PYROXD2: variants seen among roughly 807,000 people sequenced by gnomAD.
PYROXD2 encodes pyridine nucleotide-disulphide oxidoreductase domain 2.
A neutral mutation model predicts 71.1 loss-of-function variants in PYROXD2; 69 were observed. The ratio of observed to expected loss-of-function variants is 0.97; its 90% CI spans 0.80 to 1.19. The LOEUF (loss-of-function observed/expected upper bound fraction) is 1.19, where lower values mean the gene tolerates loss of function less well. PYROXD2 is among the 50% of genes most tolerant of loss of function. The probability of loss-of-function intolerance (pLI) is 0.00; values close to 1 mark genes in which losing one functional copy is unlikely to be tolerated. For missense variants in PYROXD2, 745 were observed against 748.9 expected (o/e 0.99, Z 0.06); for synonymous variants, 287 against 302.7 (o/e 0.95, Z 0.54).
At chr10:98,408,067 C>T (rs1270567182) in intron 2 of PYROXD2, 70 bp from the exon 3 acceptor site, 11 of 1,466,108 alleles carry the variant, frequency 7.5e-6, no homozygotes, top group African/African-American at 1.4e-5. Context: ...CTCGGGCTGA[C>T]CCGCAGACTA....
At chr10:98,387,355 A>T in intron 13 of PYROXD2, 48 bp from the exon 14 acceptor site, 1 of 1,391,926 alleles carries the variant, frequency 7.2e-7, no homozygotes, top group African/African-American at 1.4e-5. Flanking sequence ...GAAGAAGAGG[A>T]GGCACTATGG....
rs747024380 is a variant in PYROXD2 at position 98,415,085 on chromosome 10, G to C, written c.51C>G (p.Phe17Leu). 1 of 1,614,060 alleles carries C rather than the reference G, an allele frequency of 6.2e-7. No homozygotes were observed. Among genetic ancestry groups the C allele is most frequent in the Non-Finnish European group, 8.5e-7 (1 of 1,179,930 alleles). ...CCGTGTTATCTCGTCTCCACGCCGG[G>C]AAGGGAGAGGCGGCCACAGCCTTGC... Reference protein sequence around the residue: ...GLCKAVAASPFPAWRRDNTEA... With the variant: ...GLCKAVAASPLPAWRRDNTEA... Residue 17 changes from phenylalanine (F) to leucine (L), a missense_variant, in exon 1 of 16, where the codon TTC becomes TTG. Physicochemically the swap from Phe to Leu is conservative, Grantham distance 22. Transcript: ENST00000370575.
chr10:98,409,007 A>G (rs1188004276), intron 2 of PYROXD2, among the ~76,000 whole-genome samples: 1 of 152,210 alleles, frequency 6.6e-6, no homozygotes, highest in East Asian at 1.9e-4. Flanking sequence ...TGAAACCAGC[A>G]TCTATCCTCC....
At chr10:98,396,089 A>G (rs909410623) in intron 6 of PYROXD2, among the ~76,000 whole-genome samples, 13 of 152,320 alleles carry the variant, frequency 8.5e-5, no homozygotes, top group African/African-American at 2.9e-4. Flanking sequence ...TGCATTTGTA[A>G]TAGATTCCAC....
chr10:98,397,373 G>A lies in PYROXD2; in HGVS notation c.597C>T (p.Leu199=), dbSNP rs760889989. The A allele has an allele frequency of 3.7e-6, 6 of 1,610,420 alleles. 1 individual carries two copies. The South Asian group carries it at 5.5e-5, about 15-fold the overall frequency. The change falls in exon 6 of 16, where the codon CTC becomes CTT. Residue 199 remains leucine (L), a synonymous_variant. Transcript: ENST00000370575. The part of the protein sequence containing the change: ...HGSLLQRMRS[L]STLKPLLKAG... ...CCTTCAGCAGGGGCTTGAGGGTGGAGAGCGACCTCATCCTTTGCAGCAAGG... is the reference window on the plus strand; with the variant it reads ...CCTTCAGCAGGGGCTTGAGGGTGGAAAGCGACCTCATCCTTTGCAGCAAGG...
chr10:98,392,800 T>A, intron 9 of PYROXD2, 142 bp downstream of exon 9: 2 of 1,130,604 alleles, frequency 1.8e-6, no homozygotes, highest in East Asian at 4.9e-5. Flanking sequence ...ACAGACTGCA[T>A]GACCTTAATC....
intron 8 of PYROXD2, 83 bp downstream of exon 8, chr10:98,395,113 G>C: frequency 8.4e-7 from 1 of 1,185,882 alleles, no homozygotes; most frequent in Non-Finnish European, 1.3e-6. Context: ...GGCAGCTGTT[G>C]TTGCTGCCAC....
chr10:98,389,650 T>C (rs1350959451), intron 12 of PYROXD2, among the ~76,000 whole-genome samples: 1 of 152,190 alleles, frequency 6.6e-6, no homozygotes, highest in African/African-American at 2.4e-5. Flanking sequence ...CTGGACGTTT[T>C]TTCCCCAGAT....
rs144426166 is a variant in PYROXD2 at position 98,407,964 on chromosome 10, C to T, written c.181G>A (p.Ala61Thr). 52 of 1,609,752 alleles carry T rather than the reference C, an allele frequency of 3.2e-5. No homozygotes were observed. Among genetic ancestry groups the T allele is most frequent in the Admixed American group, 2.2e-4 (13 of 59,708 alleles). ...ATCACATGGCGCCTCTCGAAGACGG[C>T]GGTGTTCACCCCCAGTCTCTGCAGG... ...AYLQRLGVNT[A>T]VFERRHVIGG... The change falls in exon 3 of 16, where the codon GCC (alanine) becomes ACC (threonine). Residue 61 changes from alanine (A) to threonine (T), a missense_variant. Transcript: ENST00000370575.
At chr10:98,402,865 A>G (rs982052333) in intron 4 of PYROXD2, among the ~76,000 whole-genome samples, 7 of 152,202 alleles carry the variant, frequency 4.6e-5, no homozygotes, top group African/African-American at 1.7e-4. Context: ...TGTTTTGTTC[A>G]CCGCTGTACC....
In PYROXD2 at chr10:98,407,979, G is replaced by A. The variant is rs756579582; in HGVS notation, c.166C>T (p.Leu56=). 4 of 1,607,046 alleles carry A rather than the reference G, an allele frequency of 2.5e-6. No individual in the cohort carries two copies. The East Asian group carries it at 6.7e-5, about 27-fold the overall frequency. The change falls in exon 3 of 16, where the codon CTG becomes TTG. Residue 56 remains leucine (L), a synonymous_variant. Coordinates refer to ENST00000370575, the MANE Select transcript of PYROXD2 (RefSeq NM_032709.3). ...GLVAAAYLQR[L]GVNTAVFERR... ...TCGAAGACGGCGGTGTTCACCCCCA[G>A]TCTCTGCAGGTACGCTGCCTGGGAA...
intron 14 of PYROXD2, among the ~76,000 whole-genome samples, chr10:98,386,155 T>C (rs1842742217): frequency 6.7e-6 from 1 of 149,856 alleles, no homozygotes; most frequent in Admixed American, 6.7e-5. Context: ...TGCATGCCTG[T>C]AGGCCCAGCT....
chr10:98,399,078 T>TCG (rs1485938390), intron 5 of PYROXD2, among the ~76,000 whole-genome samples: 2 of 151,752 alleles, frequency 1.3e-5, no homozygotes, highest in Non-Finnish European at 2.9e-5. Context: ...GAGGCAGAGG[T>TCG]TACAGTGAGC....
chr10:98,393,590 G>A (rs965169314), intron 8 of PYROXD2, among the ~76,000 whole-genome samples: 6 of 151,954 alleles, frequency 3.9e-5, no homozygotes, highest in African/African-American at 1.5e-4. Flanking sequence ...GCCTCCAAAG[G>A]GCTTTCAAGG....
Position 98,400,251 on chromosome 10 carries a change from CAT to C in PYROXD2, c.320_321del (p.His107ArgfsTer56). On this transcript the variant is annotated frameshift_variant, in exon 5 of 16. Coordinates refer to ENST00000370575, the MANE Select transcript of PYROXD2 (RefSeq NM_032709.3). LOFTEE classifies it high-confidence loss of function. ...QIYTDLELKKHGLRLHLRNPY... is the reference protein window; with the variant it reads ...QIYTDLELKKXGLRLHLRNPY... Reference sequence around the variant, plus strand: ...GGGTTTCGAAGATGAAGCCTCAGCCCATGTTTCTGCAAAACACAAATAGCATG... The same window carrying C: ...GGGTTTCGAAGATGAAGCCTCAGCCCGTTTCTGCAAAACACAAATAGCATG... 1 of 1,608,378 alleles carries C rather than the reference CAT, an allele frequency of 6.2e-7. No individual in the cohort carries two copies. The highest frequency in any genetic ancestry group is 8.5e-7 in the Non-Finnish European group (1 of 1,176,434).
chr10:98,385,064 TG>T lies in PYROXD2; in HGVS notation c.1557del (p.Asn519LysfsTer44). The T allele has an allele frequency of 6.2e-7, 1 of 1,613,774 alleles. No individual in the cohort carries two copies. ...LERIFGLPGG[N>X]IFHCAMSLDQ... ...TCCAGGGACATGGCGCAGTGGAATA[TG>T]TTCTGCAGAGGCAGGGCCACAGTCA... On this transcript the variant is annotated frameshift_variant and splice_region_variant, in exon 15 of 16. Transcript: ENST00000370575. LOFTEE classifies it high-confidence loss of function.
intron 4 of PYROXD2, among the ~76,000 whole-genome samples, chr10:98,401,897 A>AT (rs1295360205): frequency 6.6e-6 from 1 of 152,178 alleles, no homozygotes; most frequent in African/African-American, 2.4e-5. Flanking sequence ...TTGACAGTGA[A>AT]TTTTTTAAAT....
intron 1 of PYROXD2, 73 bp downstream of exon 1, chr10:98,414,936 C>G (rs956777565): frequency 5.5e-5 from 85 of 1,558,436 alleles, no homozygotes; most frequent in Middle Eastern, 1.7e-4. Flanking sequence ...TCCCCCTCCC[C>G]CTCCCCACCA....
At chr10:98,403,406 C>A (rs1843489188) in intron 4 of PYROXD2, among the ~76,000 whole-genome samples, 1 of 152,218 alleles carries the variant, frequency 6.6e-6, no homozygotes, top group African/African-American at 2.4e-5. Flanking sequence ...CGAGTCCTCA[C>A]CAGCCAGCAG....
Sources: gnomAD v4.1 joint callset for allele counts (sites outside exome capture counted in the v4.1 genomes callset) on GRCh38, gnomAD v4.1.1 for gene constraint, MANE v1.5 for transcripts, NCBI Gene and HGNC (gene_info 2026-07-23, HGNC 2026-07-21) for gene names.